ELP4: variants seen among roughly 807,000 people sequenced by gnomAD.
ELP4 encodes elongator complex protein 4.
In ELP4, 51 loss-of-function variants were observed where a neutral mutation model predicts 48.9. The observed-to-expected ratio is 1.04, with a 90% CI of 0.83 to 1.32. The LOEUF is 1.32. Ranked by LOEUF, ELP4 falls within the 40% of genes most tolerant of loss-of-function variation. The pLI is 0.00. For synonymous variants in ELP4, 210 were observed against 189.2 expected (o/e 1.11, Z -0.90); for missense variants, 519 against 514.6 (o/e 1.01, Z -0.08).
At chr11:31,681,088 G>A (rs1394730749) in intron 9 of ELP4, among the ~76,000 whole-genome samples, 1 of 151,998 alleles carries the variant, frequency 6.6e-6, no homozygotes, top group African/African-American at 2.4e-5. Context: ...TAACCAACTT[G>A]GTAACTTCTA....
chr11:31,561,516 A>G (rs921465616), intron 3 of ELP4, among the ~76,000 whole-genome samples: 11 of 152,224 alleles, frequency 7.2e-5, no homozygotes, highest in Middle Eastern at 6.8e-3. Flanking sequence ...ATCGCAGCTC[A>G]CTGTACCCTC....
intron 1 of ELP4, chr11:31,510,964 A>G (rs2133863944): frequency 6.6e-6 from 1 of 152,358 alleles, no homozygotes; most frequent in Admixed American, 6.5e-5. Context: ...ACACTTTCAT[A>G]AAATATAACT....
intron 1 of ELP4, among the ~76,000 whole-genome samples, chr11:31,515,488 G>T (rs147039428): frequency 6.6e-6 from 1 of 151,942 alleles, no homozygotes; most frequent in Non-Finnish European, 1.5e-5. Context: ...TCTCTACAAA[G>T]AATCAAAGAA....
At chr11:31,565,488 AG>A (rs773557297) in intron 3 of ELP4, among the ~76,000 whole-genome samples, 2 of 146,050 alleles carry the variant, frequency 1.4e-5, no homozygotes, top group Non-Finnish European at 3.0e-5. Context: ...GTTTTCTTCT[AG>A]GGTTTTTATG....
chr11:31,719,420 G>T (rs1004759772), intron 9 of ELP4: 1 of 397,382 alleles, frequency 2.5e-6, no homozygotes, highest in Non-Finnish European at 4.4e-6. Context: ...TTGAAGTTGA[G>T]GTTTATAATT....
intron 9 of ELP4, among the ~76,000 whole-genome samples, chr11:31,696,616 A>AT (rs1946413565): frequency 6.6e-6 from 1 of 152,028 alleles, no homozygotes; most frequent in African/African-American, 2.4e-5. Context: ...AATAAGTGTG[A>AT]TGTGGTGCTG....
chr11:31,657,746 A>G (rs1253166764), intron 9 of ELP4, among the ~76,000 whole-genome samples: 2 of 151,980 alleles, frequency 1.3e-5, no homozygotes, highest in African/African-American at 4.8e-5. Context: ...TCCTTCCCAA[A>G]GTCATACATC....
At chr11:31,601,307 C>T (rs1957776779) in intron 4 of ELP4, among the ~76,000 whole-genome samples, 1 of 151,744 alleles carries the variant, frequency 6.6e-6, no homozygotes, top group South Asian at 2.1e-4. Flanking sequence ...ATTGTTTTTT[C>T]CTGTAAGAAT....
chr11:31,706,952 G>A (rs1946646396), intron 9 of ELP4: 2 of 398,002 alleles, frequency 5.0e-6, no homozygotes. Flanking sequence ...CATTGTGTAT[G>A]TATACACCAC....
chr11:31,571,368 A>G (rs910687532), intron 3 of ELP4, among the ~76,000 whole-genome samples: 1 of 152,192 alleles, frequency 6.6e-6, no homozygotes, highest in Non-Finnish European at 1.5e-5. Context: ...GATGGCAGCA[A>G]TTAGTCACAT....
In ELP4 at chr11:31,785,823, ATACAT is replaced by A. The variant is rs1362320102; in HGVS notation, c.*2302_*2306del. 5.1e-6 allele frequency: 1 copy of A among 195,484 alleles called. No homozygotes were observed. Among genetic ancestry groups the A allele is most frequent in the Non-Finnish European group, 1.1e-5 (1 of 94,140 alleles). 12.1% of individuals were successfully genotyped at this position (195,484 alleles called of 1,614,324 possible). ...TACCTTAGGTATAGACACCATTTTGATACATTATGAAATATACACTCCATTAACAG... is the reference window on the plus strand; with the variant it reads ...TACCTTAGGTATAGACACCATTTTGATATGAAATATACACTCCATTAACAG... On this transcript the variant is annotated 3_prime_UTR_variant, in exon 10 of 10. Transcript: ENST00000640961.
chr11:31,515,218 A>T (rs2133870700), intron 1 of ELP4, among the ~76,000 whole-genome samples: 1 of 152,256 alleles, frequency 6.6e-6, no homozygotes, highest in South Asian at 2.1e-4. Flanking sequence ...ATGTGAATCT[A>T]GTGAATTTAC....
intron 9 of ELP4, among the ~76,000 whole-genome samples, chr11:31,759,350 T>A (rs990699017): frequency 1.3e-5 from 2 of 152,332 alleles, no homozygotes; most frequent in Non-Finnish European, 2.9e-5. Context: ...AAGAATCCAC[T>A]GCTTAAAAAT....
chr11:31,530,555 G>A (rs1009937869), intron 2 of ELP4, among the ~76,000 whole-genome samples: 3 of 151,928 alleles, frequency 2.0e-5, no homozygotes, highest in Non-Finnish European at 4.4e-5. Context: ...TAAAATAATT[G>A]GTGTTGGAGA....
chr11:31,741,177 C>A (rs1287892860), intron 9 of ELP4, among the ~76,000 whole-genome samples: 2 of 152,082 alleles, frequency 1.3e-5, no homozygotes, highest in Admixed American at 6.5e-5. Context: ...TGCAAGGTGG[C>A]AGCGAGGCTA....
intron 9 of ELP4, among the ~76,000 whole-genome samples, chr11:31,753,929 A>G (rs1159477035): frequency 1.3e-5 from 2 of 152,338 alleles, no homozygotes; most frequent in East Asian, 3.9e-4. Flanking sequence ...GATACACAGG[A>G]ATCTTCACTA....
intron 4 of ELP4, chr11:31,598,860 C>G (rs1206223027): frequency 6.6e-6 from 1 of 152,012 alleles, no homozygotes; most frequent in African/African-American, 2.4e-5. Flanking sequence ...GAAAATTGTT[C>G]TCTTCTTATG....
At position 31,790,078 on chromosome 11, in the gene ELP4, A is replaced by T; in HGVS notation, c.*6554A>T. 1.1e-6 allele frequency: 1 copy of T among 874,216 alleles called. No individual in the cohort carries two copies. Among genetic ancestry groups the T allele is most frequent in the Non-Finnish European group, 1.8e-6 (1 of 541,966 alleles). 54.2% of individuals were successfully genotyped at this position (874,216 alleles called of 1,614,324 possible). On this transcript the variant is annotated 3_prime_UTR_variant, in exon 10 of 10. Coordinates refer to ENST00000640961, the MANE Select transcript of ELP4 (RefSeq NM_019040.5). ...ATTCCCTTTGAGAAACAGACATGGA[A>T]TACAAATTTATAGGTTTACAAAAAA...
intron 9 of ELP4, among the ~76,000 whole-genome samples, chr11:31,752,312 A>G (rs1376348546): frequency 6.6e-6 from 1 of 152,220 alleles, no homozygotes; most frequent in Non-Finnish European, 1.5e-5. Flanking sequence ...ACAGCATAGA[A>G]GAAAAGTTCC....
Sources: allele counts gnomAD v4.1 joint callset (sites outside exome capture counted in the v4.1 genomes callset), GRCh38; gene constraint gnomAD v4.1.1; transcripts MANE v1.5; gene names NCBI Gene and HGNC (gene_info 2026-07-23, HGNC 2026-07-21).